The following RAI1 variants were observed in gnomAD, a reference collection of about 807,000 sequenced individuals.
The protein encoded by RAI1 is retinoic acid induced 1.
In RAI1, 9 loss-of-function variants were observed where a neutral mutation model predicts 123.8. The ratio of observed to expected loss-of-function variants is 0.07; its 90% confidence interval spans 0.04 to 0.13. RAI1 has a LOEUF of 0.13. Ranked by LOEUF, RAI1 falls within the 10% of genes least tolerant of loss-of-function variation. The pLI is 1.00. For missense variants in RAI1, 2,256 were observed against 2,545.8 expected, an observed-to-expected ratio of 0.89 and a Z score of 2.45; for synonymous variants, 1,231 against 1,127.3, an observed-to-expected ratio of 1.09 and a Z score of -1.84.
rs559969905 is a variant in RAI1, at chr17:17,752,605, G to T, written c.-17+28446G>T. Among the ~76,000 whole-genome samples, 3 of 152,198 alleles carry T rather than the reference G, an allele frequency of 2.0e-5. No homozygotes were observed. The East Asian group carries it at 5.8e-4, about 30-fold the overall frequency. On this transcript the variant is annotated intron_variant, in intron 2 of 5. Transcript: ENST00000353383. ...GGCCCTTGGAGTCTGAGAGTGAGAG[G>T]CCTGCTAGGCCAGCGCCCCCTAATC...
intron 2 of RAI1, among the ~76,000 whole-genome samples, chr17:17,763,306 C>T (rs1157064351): frequency 6.6e-6 from 1 of 152,222 alleles, no homozygotes; most frequent in Non-Finnish European, 1.5e-5. Flanking sequence ...CTGCACTTAG[C>T]TTTGTGATCC....
chr17:17,694,905 A>G (rs1914968809), intron 1 of RAI1, among the ~76,000 whole-genome samples: 1 of 151,940 alleles, frequency 6.6e-6, no homozygotes, highest in Non-Finnish European at 1.5e-5. Flanking sequence ...TTCCAGTCCC[A>G]GCGTTGCGGC....
At chr17:17,736,025 G>A (rs149113448) in intron 2 of RAI1, among the ~76,000 whole-genome samples, 1 of 152,190 alleles carries the variant, frequency 6.6e-6, no homozygotes, top group African/African-American at 2.4e-5. Flanking sequence ...GTGCATCTGT[G>A]TATGGTGTGT....
chr17:17,681,971 T>G (rs1914434938), intron 1 of RAI1, among the ~76,000 whole-genome samples, 178 bp downstream of exon 1: 1 of 141,624 alleles, frequency 7.1e-6, no homozygotes. Flanking sequence ...GTGTGGGGGG[T>G]GCGCGAGGTC....
intron 2 of RAI1, among the ~76,000 whole-genome samples, chr17:17,774,093 T>A (rs2031255950): frequency 1.3e-5 from 2 of 152,142 alleles, no homozygotes; most frequent in Admixed American, 1.3e-4. Context: ...CCTCTATGAG[T>A]TAAAATGTGT....
intron 3 of RAI1, 44 bp downstream of exon 3, chr17:17,798,557 AGGAC>A: frequency 6.3e-7 from 1 of 1,595,080 alleles, no homozygotes; most frequent in African/African-American, 1.3e-5. Context: ...GGGGTTCCAA[AGGAC>A]AGGCAGGCAG....
chr17:17,778,763 C>T (rs2031447121), intron 2 of RAI1: 1 of 456,750 alleles, frequency 2.2e-6, no homozygotes, highest in Non-Finnish European at 4.4e-6. Context: ...GAGGGATTCT[C>T]CTACAACTTT....
rs141808855 is a variant in RAI1, at chr17:17,794,723, G to A, written c.1775G>A (p.Arg592Gln). Reference protein sequence around the residue: ...DSFSKFVAGERDCPRLLLSAL... With the variant: ...DSFSKFVAGEQDCPRLLLSAL... ...TTCTCCAAGTTCGTGGCGGGTGAGC[G>A]GGACTGTCCGCGGCTGCTGCTCAGC... The change falls in exon 3 of 6, where the codon CGG (arginine) becomes CAG (glutamine). Residue 592 changes from arginine (R) to glutamine (Q), a missense_variant. Transcript: ENST00000353383. 7.9e-5 allele frequency: 127 copies of A among 1,611,426 alleles called. No homozygotes were observed. The highest frequency in any genetic ancestry group is 3.3e-5 in the Admixed American group (2 of 60,038).
intron 2 of RAI1, among the ~76,000 whole-genome samples, chr17:17,733,405 C>G (rs375738387): frequency 1.4e-4 from 22 of 152,308 alleles, no homozygotes; most frequent in Middle Eastern, 3.4e-3. Flanking sequence ...GTTCTCCTTG[C>G]CTGTTAAGTA....
At chr17:17,770,314 GA>G (rs1019694733) in intron 2 of RAI1, among the ~76,000 whole-genome samples, 3 of 149,802 alleles carry the variant, frequency 2.0e-5, no homozygotes, top group African/African-American at 7.4e-5. Context: ...TAATGGCCCC[GA>G]AAAAAAAACA....
chr17:17,794,956 T>A lies in RAI1; in HGVS notation c.2008T>A (p.Ser670Thr). ...RPGEPEALPD[S>T]LQLDKGGNAK... ...TGGGGAGCCGGAGGCCCTGCCCGAC[T>A]CCTTGCAGCTGGACAAGGGCGGCAA... The change falls in exon 3 of 6, where the codon TCC becomes ACC. Residue 670 changes from serine (S) to threonine (T), a missense_variant. Ser to Thr is a moderately conservative substitution (Grantham distance 58). Coordinates refer to ENST00000353383, the MANE Select transcript of RAI1 (RefSeq NM_030665.4). The A allele has an allele frequency of 1.9e-6, 3 of 1,613,750 alleles. No individual in the cohort carries two copies. Among genetic ancestry groups the A allele is most frequent in the Non-Finnish European group, 2.5e-6 (3 of 1,180,022 alleles).
In RAI1 at chr17:17,714,505, C is replaced by T. The variant is rs1280031232; in HGVS notation, c.-148-9523C>T. Among the ~76,000 whole-genome samples, 5 of 152,206 alleles carry T rather than the reference C, an allele frequency of 3.3e-5. No individual in the cohort carries two copies. The highest frequency in any genetic ancestry group is 9.6e-5 in the African/African-American group (4 of 41,456). On this transcript the variant is annotated intron_variant, in intron 1 of 5. Transcript: ENST00000353383. This position sits in a 1 kb window ranked among gnomAD's most constrained non-coding sequence, Gnocchi z 4.9. ...TGATAATCATCAGTGCTAACATTTA[C>T]GGAGGGCTTGTGGCGTGGCCAACTC...
chr17:17,767,608 G>GA (rs1222823629), intron 2 of RAI1, among the ~76,000 whole-genome samples: 2 of 152,042 alleles, frequency 1.3e-5, no homozygotes, highest in African/African-American at 2.4e-5. Context: ...TGGCAGGTCA[G>GA]AAAAAAAATG....
intron 2 of RAI1, among the ~76,000 whole-genome samples, chr17:17,739,256 T>G (rs1053500965): frequency 6.6e-6 from 1 of 151,966 alleles, no homozygotes; most frequent in East Asian, 1.9e-4. Context: ...ATCTAGAAGC[T>G]CACAGCCTAT....
At chr17:17,792,760 G>A (rs1297739131) in intron 2 of RAI1, among the ~76,000 whole-genome samples, 173 bp from the exon 3 acceptor site, 1 of 150,862 alleles carries the variant, frequency 6.6e-6, no homozygotes, top group South Asian at 2.1e-4. Context: ...TCAGGCGAAG[G>A]GGGGACTATT....
chr17:17,699,733 C>T lies in RAI1; in HGVS notation c.-149+17940C>T, dbSNP rs1057079975. Among the ~76,000 whole-genome samples, 6 of 152,320 alleles carry T rather than the reference C, an allele frequency of 3.9e-5. No homozygotes were observed. In the East Asian group the frequency reaches 5.8e-4, roughly 15 times the overall value. On this transcript the variant is annotated intron_variant, in intron 1 of 5. Transcript: ENST00000353383. ...CTGGATTATTCTACCCTGCTTCCCC[C>T]GGCCACAGTTGGTGGAGATGGCTAC...
chr17:17,767,050 A>G (rs2030965129), intron 2 of RAI1, among the ~76,000 whole-genome samples: 1 of 152,102 alleles, frequency 6.6e-6, no homozygotes. Flanking sequence ...TAGCACACAC[A>G]TGGACATGCT....
At chr17:17,733,077 C>T (rs536546577) in intron 2 of RAI1, among the ~76,000 whole-genome samples, 2 of 152,350 alleles carry the variant, frequency 1.3e-5, no homozygotes, top group East Asian at 3.9e-4. Flanking sequence ...ATGGGACTGC[C>T]ACCTTCTGAG....
chr17:17,735,191 TACAGGCTCCC>T (rs2142956866), intron 2 of RAI1, among the ~76,000 whole-genome samples: 1 of 152,108 alleles, frequency 6.6e-6, no homozygotes, highest in South Asian at 2.1e-4. Flanking sequence ...TAGCTGGGAT[TACAGGCTCCC>T]ACCACCACGC....
Sources: allele counts gnomAD v4.1 joint callset (sites outside exome capture counted in the v4.1 genomes callset), GRCh38; gene constraint gnomAD v4.1.1; non-coding constraint Gnocchi (gnomAD v3.1); transcripts MANE v1.5; gene names NCBI Gene and HGNC (gene_info 2026-07-23, HGNC 2026-07-21).